PSMA8: variants seen among roughly 807,000 people sequenced by gnomAD.
PSMA8 encodes proteasome subunit alpha-type 8.
PSMA8 carries 18 observed loss-of-function variants against 32.4 expected under a neutral mutation model. The ratio of observed to expected loss-of-function variants is 0.56; its 90% CI spans 0.38 to 0.82. The LOEUF (loss-of-function observed/expected upper bound fraction) is 0.82, where lower values mean the gene tolerates loss of function less well. Ranked by LOEUF, PSMA8 falls within the 40% of genes least tolerant of loss-of-function variation. The pLI is 0.00. For missense variants in PSMA8, 298 were observed against 300.7 expected (o/e 0.99, Z 0.07); for synonymous variants, 104 against 98.1 (o/e 1.06, Z -0.36).
intron 6 of PSMA8, among the ~76,000 whole-genome samples, chr18:26,188,313 A>G (rs1421304581): frequency 6.8e-6 from 1 of 147,596 alleles, no homozygotes; most frequent in Non-Finnish European, 1.5e-5. Flanking sequence ...GTTTATAGCT[A>G]TAAGTGCCCA....
chr18:26,165,976 C>T (rs2055175734), intron 4 of PSMA8, among the ~76,000 whole-genome samples: 1 of 152,028 alleles, frequency 6.6e-6, no homozygotes, highest in Non-Finnish European at 1.5e-5. Context: ...GTGGTGTATG[C>T]ATGTAATCCC....
intron 2 of PSMA8, 67 bp from the exon 3 acceptor site, chr18:26,151,791 A>C: frequency 6.8e-7 from 1 of 1,462,332 alleles, no homozygotes; most frequent in Non-Finnish European, 9.2e-7. Context: ...AACCCATTTG[A>C]CAAGGAAAAA....
intron 6 of PSMA8, among the ~76,000 whole-genome samples, chr18:26,182,922 T>C (rs2055323315): frequency 6.6e-6 from 1 of 151,682 alleles, no homozygotes; most frequent in Non-Finnish European, 1.5e-5. Flanking sequence ...TGAAACCCCG[T>C]CTCTACCACA....
chr18:26,143,290 A>T (rs998686796), intron 1 of PSMA8, among the ~76,000 whole-genome samples: 12 of 152,124 alleles, frequency 7.9e-5, no homozygotes, highest in African/African-American at 2.7e-4. Context: ...TGTGTGCGTT[A>T]GGTTAATTGA....
intron 1 of PSMA8, among the ~76,000 whole-genome samples, chr18:26,140,319 G>A (rs1375606150): frequency 6.6e-6 from 1 of 152,192 alleles, no homozygotes; most frequent in African/African-American, 2.4e-5. Context: ...GAGCAGACCT[G>A]GAGCTTGGAT....
chr18:26,165,315 T>A (rs2055169260), intron 4 of PSMA8, among the ~76,000 whole-genome samples: 1 of 152,252 alleles, frequency 6.6e-6, no homozygotes, highest in Non-Finnish European at 1.5e-5. Flanking sequence ...TGCGCACGCA[T>A]GCACCCACGC....
rs1348055242 is a variant in PSMA8, at chr18:26,158,231, A to T, written c.464A>T (p.Tyr155Phe). Residue 155 changes from tyrosine to phenylalanine, a missense_variant, in exon 4 of 7, where the codon TAT (tyrosine) becomes TTT (phenylalanine). By Grantham distance (22) the Tyr-to-Phe change is conservative. Transcript: ENST00000415576. ...RLYQTDPSGT[Y>F]HAWKANAIGR... Reference sequence around the variant, plus strand: ...TATCAGACAGATCCTTCTGGTACTTATCATGCTTGGAAGGTGAGTCATGAA... The same window carrying T: ...TATCAGACAGATCCTTCTGGTACTTTTCATGCTTGGAAGGTGAGTCATGAA... 1.9e-6 allele frequency: 3 copies of T among 1,599,690 alleles called. No homozygotes were observed. In the East Asian group the frequency reaches 6.8e-5, roughly 36 times the overall value.
rs1274807931 is a variant in PSMA8, at chr18:26,133,975, C to A, written c.10C>A (p.Arg4=). The A allele has an allele frequency of 1.9e-6, 3 of 1,613,722 alleles. No individual in the cohort carries two copies. The highest frequency in any genetic ancestry group is 2.5e-6 in the Non-Finnish European group (3 of 1,179,634). Reference sequence around the variant, plus strand: ...CTTGTAGTCCTGTGCGATGGCGTCTCGATATGACAGGGCGATCACTGTCTT... The same window carrying A: ...CTTGTAGTCCTGTGCGATGGCGTCTAGATATGACAGGGCGATCACTGTCTT... MAS[R]YDRAITVFSP... Residue 4 remains arginine (R), a synonymous_variant, in exon 1 of 7, where the codon CGA becomes AGA. Coordinates refer to ENST00000415576, the MANE Select transcript of PSMA8 (RefSeq NM_001025096.2).
intron 3 of PSMA8, among the ~76,000 whole-genome samples, chr18:26,154,024 C>T (rs1434091483): frequency 6.6e-6 from 1 of 152,164 alleles, no homozygotes; most frequent in African/African-American, 2.4e-5. Flanking sequence ...ACCCCAGCCT[C>T]CTGAGTAGCT....
rs192653324 is a variant in PSMA8, at chr18:26,174,652, C to G, written c.478-4178C>G. Among the ~76,000 whole-genome samples the G allele has an allele frequency of 5.3e-3, 811 of 152,240 alleles. 12 individuals are homozygous for G. The highest frequency in any genetic ancestry group is 0.019 in the African/African-American group (781 of 41,544). ...GTTAATGATTAAGGGGCATGTTTTG[C>G]TCTTGTCAGTATGGGCCATAATGTT... On this transcript the variant is annotated intron_variant, in intron 4 of 6. Transcript: ENST00000415576.
chr18:26,157,747 G>A (rs920860462), intron 3 of PSMA8, among the ~76,000 whole-genome samples: 23 of 152,128 alleles, frequency 1.5e-4, no homozygotes, highest in Admixed American at 1.0e-3. Flanking sequence ...GTCCCTCAAG[G>A]TAAGCCGAGG....
chr18:26,143,790 C>A (rs1042727330), intron 1 of PSMA8, among the ~76,000 whole-genome samples: 1 of 152,130 alleles, frequency 6.6e-6, no homozygotes, highest in African/African-American at 2.4e-5. Flanking sequence ...GGCGCAATCT[C>A]TGCTTACTGC....
At position 26,144,819 on chromosome 18, in the gene PSMA8, A is replaced by AC. The variant is rs1196263412; in HGVS notation, c.229+134_229+135insC. The AC allele has an allele frequency of 9.8e-6, 7 of 712,226 alleles. No homozygotes were observed. The African/African-American group carries it at 1.3e-4, about 13-fold the overall frequency. The allele number at this position is 712,226 out of a possible 1,614,324, so 44.1% of individuals were successfully genotyped here. A position where few individuals can be genotyped will look rare whatever the true frequency, so the allele number is the denominator to read the frequency against. On this transcript the variant is annotated intron_variant, in intron 2 of 6. Transcript: ENST00000415576. ...CTACAAACAATATATCCTACGTTTT[A>AC]AAGCAAATACTAACTTTGTAAACCA...
At chr18:26,160,047 GTCCCAGCACTTTGGGC>G in intron 4 of PSMA8, among the ~76,000 whole-genome samples, 1 of 152,254 alleles carries the variant, frequency 6.6e-6, no homozygotes, top group African/African-American at 2.4e-5. Flanking sequence ...CACTTCTGTA[GTCCCAGCACTTTGGGC>G]AGCCAAGGCA....
chr18:26,137,429 G>A (rs868257530), intron 1 of PSMA8, among the ~76,000 whole-genome samples: 8 of 152,242 alleles, frequency 5.3e-5, no homozygotes, highest in South Asian at 2.1e-4. Flanking sequence ...GTGTACTCCA[G>A]CCTGAGTGAC....
At chr18:26,168,451 T>C (rs1473643822) in intron 4 of PSMA8, among the ~76,000 whole-genome samples, 3 of 118,788 alleles carry the variant, frequency 2.5e-5, no homozygotes, top group Non-Finnish European at 4.8e-5. Context: ...TACTTCTTTC[T>C]GCCCTAGAAT....
At chr18:26,183,558 T>C (rs2055329842) in intron 6 of PSMA8, among the ~76,000 whole-genome samples, 1 of 150,834 alleles carries the variant, frequency 6.6e-6, no homozygotes, top group Non-Finnish European at 1.5e-5. Flanking sequence ...AAGTGGAGCC[T>C]GAATATGCAA....
Position 26,192,325 on chromosome 18 carries a change from A to G in PSMA8, c.667A>G (p.Ser223Gly), listed in dbSNP as rs2055410583. 6.6e-7 allele frequency: 1 copy of G among 1,505,540 alleles called. No homozygotes were observed. The highest frequency in any genetic ancestry group is 8.8e-7 in the Non-Finnish European group (1 of 1,138,260). 93.3% of individuals were successfully genotyped at this position (1,505,540 alleles called of 1,614,324 possible). The change falls in exon 7 of 7, where the codon AGT (serine) becomes GGT (glycine). Residue 223 changes from serine to glycine, a missense_variant. By Grantham distance (56) the Ser-to-Gly change is moderately conservative (BLOSUM62 0). Transcript: ENST00000415576. ...IRRNQPLKMF[S>G]AKEVELYVTE... Reference sequence around the variant, plus strand: ...AATTTTTTTCTCTTTTCAGATGTTTAGTGCAAAAGAAGTTGAATTATATGT... The same window carrying G: ...AATTTTTTTCTCTTTTCAGATGTTTGGTGCAAAAGAAGTTGAATTATATGT...
intron 3 of PSMA8, among the ~76,000 whole-genome samples, chr18:26,156,283 A>C (rs759158814): frequency 2.0e-5 from 3 of 152,224 alleles, no homozygotes; most frequent in Non-Finnish European, 4.4e-5. Flanking sequence ...CTATCCTCTA[A>C]TCCCACAATC....
Sources: allele counts gnomAD v4.1 joint callset (sites outside exome capture counted in the v4.1 genomes callset), GRCh38; gene constraint gnomAD v4.1.1; transcripts MANE v1.5; gene names NCBI Gene and HGNC (gene_info 2026-07-23, HGNC 2026-07-21).